CDK6: variants seen among roughly 807,000 people sequenced by gnomAD.
CDK6 encodes cyclin-dependent kinase 6.
CDK6 carries 6 observed loss-of-function variants against 37.1 expected under a neutral mutation model. The ratio of observed to expected loss-of-function variants is 0.16; its 90% CI spans 0.09 to 0.32. The LOEUF (loss-of-function observed/expected upper bound fraction) is 0.32, where lower values mean the gene tolerates loss of function less well. Ranked by LOEUF, CDK6 falls within the 10% of genes least tolerant of loss-of-function variation. The pLI is 1.00. For missense variants in CDK6, 224 were observed against 418.9 expected, an observed-to-expected ratio of 0.53 and a Z score of 4.06; for synonymous variants, 160 against 161.3, an observed-to-expected ratio of 0.99 and a Z score of 0.06.
chr7:92,734,391 C>T (rs914871044), intron 3 of CDK6, among the ~76,000 whole-genome samples: 2 of 152,168 alleles, frequency 1.3e-5, no homozygotes, highest in Admixed American at 1.3e-4. Flanking sequence ...AGATAATTCT[C>T]CTGCTTCAGC....
intron 5 of CDK6, among the ~76,000 whole-genome samples, chr7:92,664,068 G>A (rs1796900039): frequency 1.3e-5 from 2 of 151,990 alleles, no homozygotes; most frequent in Non-Finnish European, 1.5e-5. Context: ...GTGAACCCGG[G>A]AGGCGGAACT....
chr7:92,786,461 A>G (rs1268918693), intron 2 of CDK6, among the ~76,000 whole-genome samples: 1 of 152,150 alleles, frequency 6.6e-6, no homozygotes, highest in African/African-American at 2.4e-5. Context: ...AGCAACACAA[A>G]TGAAAACCTC....
chr7:92,667,215 TA>T (rs1223265023), intron 5 of CDK6, among the ~76,000 whole-genome samples: 27 of 152,348 alleles, frequency 1.8e-4, no homozygotes, highest in Non-Finnish European at 1.8e-4. Flanking sequence ...TTTATTTATT[TA>T]TTTTTTTTAG....
intron 3 of CDK6, among the ~76,000 whole-genome samples, chr7:92,731,124 T>C (rs941389194): frequency 1.3e-5 from 2 of 152,240 alleles, no homozygotes; most frequent in African/African-American, 4.8e-5. Context: ...AAGCTTGCTG[T>C]ATGTATACAG....
In CDK6 at chr7:92,631,414, A is replaced by G. The variant is rs562074914; in HGVS notation, c.648-8328T>C. On this transcript the variant is annotated intron_variant, in intron 5 of 7. Transcript: ENST00000424848. ...CTGTTTAAAAAAATCAAATGAGCATACCTCAAAACAATCAGAATGAAAGTG... is the reference window on the plus strand; with the variant it reads ...CTGTTTAAAAAAATCAAATGAGCATGCCTCAAAACAATCAGAATGAAAGTG... 1.1e-4 allele frequency among the ~76,000 whole-genome samples: 17 copies of G among 152,248 alleles called. No individual in the cohort carries two copies. The South Asian group carries it at 3.5e-3, about 32-fold the overall frequency.
At chr7:92,725,567 G>C (rs1430651707) in intron 4 of CDK6, 59 bp downstream of exon 4, 47 of 1,509,678 alleles carry the variant, frequency 3.1e-5, no homozygotes, top group Non-Finnish European at 3.8e-5. Context: ...AAGAGGGACA[G>C]ACTGTCATTC....
At chr7:92,825,221 A>G (rs1266400335) in intron 2 of CDK6, among the ~76,000 whole-genome samples, 1 of 152,140 alleles carries the variant, frequency 6.6e-6, no homozygotes, top group South Asian at 2.1e-4. Flanking sequence ...AGATACTCAT[A>G]AATACTTGCT....
intron 2 of CDK6, among the ~76,000 whole-genome samples, chr7:92,783,005 CGCATGTCCACTGGGCAAAAGTA>C (rs1800034451): frequency 6.6e-6 from 1 of 152,126 alleles, no homozygotes; most frequent in Non-Finnish European, 1.5e-5. Context: ...CTCCTCCATT[CGCATGTCCACTGGGCAAAAGTA>C]GCCGACAGCA....
At chr7:92,711,076 T>C (rs1003734703) in intron 4 of CDK6, among the ~76,000 whole-genome samples, 6 of 152,246 alleles carry the variant, frequency 3.9e-5, no homozygotes, top group African/African-American at 1.2e-4. Context: ...ATCAAATTTT[T>C]GAATGTGCAT....
chr7:92,704,481 C>T (rs928622221), intron 4 of CDK6, among the ~76,000 whole-genome samples: 1 of 152,170 alleles, frequency 6.6e-6, no homozygotes, highest in Non-Finnish European at 1.5e-5. Context: ...CAGGCAACCA[C>T]TATCCTAAGT....
intron 2 of CDK6, among the ~76,000 whole-genome samples, chr7:92,796,112 C>CA (rs1037925820): frequency 4.9e-4 from 71 of 145,166 alleles, no homozygotes; most frequent in African/African-American, 1.3e-3. Context: ...AAAACTCATC[C>CA]AAAAAAAAAA....
chr7:92,833,304 C>G lies in CDK6; in HGVS notation c.20G>C (p.Cys7Ser). MEKDGL[C>S]RADQQYECVA... ...GCATTCGTACTGCTGGTCAGCGCGGCACAGGCCGTCCTTCTCCATGCCGCC... is the reference window on the plus strand; with the variant it reads ...GCATTCGTACTGCTGGTCAGCGCGGGACAGGCCGTCCTTCTCCATGCCGCC... Residue 7 changes from cysteine (C) to serine (S), a missense_variant, in exon 2 of 8, where the codon TGC (cysteine) becomes TCC (serine). Cys to Ser is a moderately radical substitution (Grantham distance 112, BLOSUM62 -1). Around this residue, in one of 5 missense-constraint regions of CDK6, gnomAD observed 18 missense variants for 18.5 expected, o/e 0.97. Coordinates refer to ENST00000424848, the MANE Select transcript of CDK6 (RefSeq NM_001145306.2). This position sits in a 1 kb window ranked among gnomAD's most constrained non-coding sequence, Gnocchi z 6.1. 1 of 1,599,414 alleles carries G rather than the reference C, an allele frequency of 6.3e-7. No individual in the cohort carries two copies. Among genetic ancestry groups the G allele is most frequent in the Non-Finnish European group, 8.5e-7 (1 of 1,175,078 alleles).
intron 3 of CDK6, among the ~76,000 whole-genome samples, chr7:92,767,126 T>C (rs925322108): frequency 3.9e-5 from 6 of 152,216 alleles, no homozygotes; most frequent in African/African-American, 1.4e-4. Flanking sequence ...TGTAGCTTTT[T>C]ATAGGATTGG....
intron 2 of CDK6, among the ~76,000 whole-genome samples, chr7:92,829,041 CAGA>C (rs902449420): frequency 2.6e-5 from 4 of 152,114 alleles, no homozygotes; most frequent in African/African-American, 7.2e-5. Context: ...CAATTTTATT[CAGA>C]AGGATTCTCA....
chr7:92,704,523 G>T (rs945007327), intron 4 of CDK6, among the ~76,000 whole-genome samples: 27 of 152,024 alleles, frequency 1.8e-4, no homozygotes, highest in South Asian at 2.1e-4. Flanking sequence ...CTTAAAAAAT[G>T]TTAATCTATA....
chr7:92,618,190 C>T lies in CDK6; in HGVS notation c.716G>A (p.Gly239Glu), dbSNP rs1562911787. 1 of 1,613,942 alleles carries T rather than the reference C, an allele frequency of 6.2e-7. No homozygotes were observed. Among genetic ancestry groups the T allele is most frequent in the Admixed American group, 1.7e-5 (1 of 60,000 alleles). ...AACATCTCTAGGCCAGTCTTCTTCT[C>T]CTGGGAGTCCAATCACGCTACAAAA... ...GKILDVIGLP[G>E]EEDWPRDVAL... is the part of the protein sequence containing the mutation. The change falls in exon 7 of 8, where the codon GGA (glycine) becomes GAA (glutamate). Residue 239 changes from glycine to glutamate, a missense_variant. By Grantham distance (98) the Gly-to-Glu change is moderately conservative. Coordinates refer to ENST00000424848, the MANE Select transcript of CDK6 (RefSeq NM_001145306.2).
chr7:92,680,707 C>T (rs948321833), intron 4 of CDK6, among the ~76,000 whole-genome samples: 7 of 152,198 alleles, frequency 4.6e-5, no homozygotes, highest in African/African-American at 1.7e-4. Context: ...CATGGGGCCA[C>T]TGGCTCCCTT....
chr7:92,753,681 T>C (rs571107807), intron 3 of CDK6, among the ~76,000 whole-genome samples: 24 of 152,216 alleles, frequency 1.6e-4, no homozygotes, highest in African/African-American at 5.1e-4. Context: ...CCTTTTGAAA[T>C]TGGCATCTCT....
chr7:92,723,585 CAA>C (rs1474038085), intron 4 of CDK6, among the ~76,000 whole-genome samples: 2 of 152,012 alleles, frequency 1.3e-5, no homozygotes, highest in South Asian at 2.1e-4. Flanking sequence ...TAGAAAAATA[CAA>C]AAGAGTGGGG....
Sources: allele counts gnomAD v4.1 joint callset (sites outside exome capture counted in the v4.1 genomes callset), GRCh38; gene constraint gnomAD v4.1.1; regional missense constraint gnomAD v4.1.1; non-coding constraint Gnocchi (gnomAD v3.1); transcripts MANE v1.5; gene names NCBI Gene and HGNC (gene_info 2026-07-23, HGNC 2026-07-21).